BTRC: variants seen among roughly 807,000 people sequenced by gnomAD.
BTRC encodes the protein F-box/WD repeat-containing protein 1A.
A neutral mutation model predicts 85.5 loss-of-function variants in BTRC; 42 were observed. The ratio of observed to expected loss-of-function variants is 0.49; its 90% CI spans 0.38 to 0.64. The LOEUF (loss-of-function observed/expected upper bound fraction) is 0.64, where lower values mean the gene tolerates loss of function less well. Among genes scored for constraint, BTRC ranks in the 30% least tolerant of loss-of-function variants. The probability of loss-of-function intolerance (pLI) is 0.00; values close to 1 mark genes in which losing one functional copy is unlikely to be tolerated. For missense variants in BTRC, 594 were observed against 743.5 expected, an observed-to-expected ratio of 0.80 and a Z score of 2.34; for synonymous variants, 255 against 263.3, an observed-to-expected ratio of 0.97 and a Z score of 0.30.
intron 4 of BTRC, among the ~76,000 whole-genome samples, chr10:101,516,470 G>C (rs2062025249): frequency 6.6e-6 from 1 of 152,120 alleles, no homozygotes. Context: ...TAACCCATTT[G>C]TTAATGGATC....
At chr10:101,362,425 C>G (rs1049684031) in intron 1 of BTRC, among the ~76,000 whole-genome samples, 7 of 149,764 alleles carry the variant, frequency 4.7e-5, no homozygotes, top group African/African-American at 1.7e-4. Flanking sequence ...GATGGAGTTT[C>G]GCTCTTGTTG....
chr10:101,441,204 G>A (rs946417891), intron 2 of BTRC, among the ~76,000 whole-genome samples: 5 of 152,210 alleles, frequency 3.3e-5, no homozygotes, highest in Non-Finnish European at 5.9e-5. Flanking sequence ...TAAGAAATGA[G>A]ACTGAAATAT....
At chr10:101,527,795 T>TACACACACAC (rs5787437) in intron 6 of BTRC, among the ~76,000 whole-genome samples, 1 of 145,326 alleles carries the variant, frequency 6.9e-6, no homozygotes, top group African/African-American at 2.6e-5. Flanking sequence ...CTCTCTCACA[T>TACACACACAC]ACACACACAC....
Position 101,470,169 on chromosome 10 carries a change from T to C in BTRC, c.234+8111T>C, listed in dbSNP as rs182827145. Among the ~76,000 whole-genome samples, 444 of 152,310 alleles carry C rather than the reference T, an allele frequency of 2.9e-3. 2 individuals are homozygous for C. Among genetic ancestry groups the C allele is most frequent in the African/African-American group, 0.01 (430 of 41,566 alleles). Reference sequence around the variant, plus strand: ...AATTGCATTGTTTGCCTTTTTATTATTGAGTTGTAGACTCAACTGTATTGA... The same window carrying C: ...AATTGCATTGTTTGCCTTTTTATTACTGAGTTGTAGACTCAACTGTATTGA... On this transcript the variant is annotated intron_variant, in intron 3 of 14. Coordinates refer to ENST00000370187, the MANE Select transcript of BTRC (RefSeq NM_033637.4).
intron 4 of BTRC, among the ~76,000 whole-genome samples, chr10:101,488,782 T>C (rs1001482823): frequency 6.6e-6 from 1 of 152,144 alleles, no homozygotes; most frequent in Admixed American, 6.5e-5. Context: ...TTATTTGAAG[T>C]ACTAATATGC....
Position 101,522,371 on chromosome 10 carries a change from AAAAAAC to A in BTRC, c.556+507_556+512del, listed in dbSNP as rs1564823685. Among the ~76,000 whole-genome samples the A allele has an allele frequency of 4.5e-3, 313 of 69,994 alleles. 36 individuals carry two copies. Among genetic ancestry groups the A allele is most frequent in the Non-Finnish European group, 8.1e-3 (266 of 32,746 alleles). 45.9% of individuals were successfully genotyped at this position (69,994 alleles called of 152,430 possible). On this transcript the variant is annotated intron_variant, in intron 5 of 14. Coordinates refer to ENST00000370187, the MANE Select transcript of BTRC (RefSeq NM_033637.4). ...AAGCTTTAAAAAAAAAAAAAACAAA[AAAAAAC>A]AAAAAAAAAAAAACTCTAGAAATAA...
At chr10:101,430,140 T>G (rs1338356144) in intron 1 of BTRC, among the ~76,000 whole-genome samples, 1 of 152,250 alleles carries the variant, frequency 6.6e-6, no homozygotes, top group Non-Finnish European at 1.5e-5. Context: ...CTTCTTTTTT[T>G]ACCTCCTTTC....
At chr10:101,354,304 A>T in intron 1 of BTRC, 76 bp downstream of exon 1, 1 of 1,496,590 alleles carries the variant, frequency 6.7e-7, no homozygotes, top group South Asian at 1.2e-5. Flanking sequence ...CCGCCCGCCC[A>T]CTGCGGGACC....
intron 1 of BTRC, among the ~76,000 whole-genome samples, chr10:101,414,023 C>T (rs7898782): frequency 0.33 from 49,568 of 151,978 alleles, 10,592 homozygotes; most frequent in East Asian, 0.67. Context: ...TTTAAGTGTA[C>T]AATTCAGTAG....
intron 1 of BTRC, among the ~76,000 whole-genome samples, chr10:101,403,664 C>T (rs1051218608): frequency 1.3e-5 from 2 of 152,090 alleles, no homozygotes; most frequent in African/African-American, 4.8e-5. Flanking sequence ...GATCATGGCT[C>T]ACTGCAGCCT....
At chr10:101,437,019 A>G (rs187103372) in intron 2 of BTRC, among the ~76,000 whole-genome samples, 2 of 152,328 alleles carry the variant, frequency 1.3e-5, no homozygotes, top group East Asian at 3.9e-4. Context: ...ACAATACCAT[A>G]AGGAAAATTA....
chr10:101,535,442 T>TA lies in BTRC; in HGVS notation c.1437dup (p.Val480SerfsTer6), dbSNP rs1398079014. 6.2e-7 allele frequency: 1 copy of TA among 1,613,744 alleles called. No homozygotes were observed. Among genetic ancestry groups the TA allele is most frequent in the Non-Finnish European group, 8.5e-7 (1 of 1,179,922 alleles). On this transcript the variant is annotated frameshift_variant, in exon 11 of 15. Transcript: ENST00000370187. LOFTEE classifies it high-confidence loss of function. ...TGTTTGCAGTACAGGGACAGGCTGGTAGTGAGTGGCTCATCTGACAACACT... is the reference window on the plus strand; with the variant it reads ...TGTTTGCAGTACAGGGACAGGCTGGTAAGTGAGTGGCTCATCTGACAACACT...
chr10:101,502,833 A>T (rs1946429543), intron 4 of BTRC, among the ~76,000 whole-genome samples: 1 of 152,194 alleles, frequency 6.6e-6, no homozygotes, highest in African/African-American at 2.4e-5. Flanking sequence ...AAGTTTCTGG[A>T]CATAATATTA....
intron 1 of BTRC, among the ~76,000 whole-genome samples, chr10:101,421,842 G>A (rs1338909567): frequency 1.3e-5 from 2 of 151,910 alleles, no homozygotes; most frequent in Non-Finnish European, 2.9e-5. Flanking sequence ...TGGTGTATAT[G>A]TGCCACATTT....
At chr10:101,454,733 G>A (rs2134149443) in intron 2 of BTRC, among the ~76,000 whole-genome samples, 1 of 152,286 alleles carries the variant, frequency 6.6e-6, no homozygotes, top group Non-Finnish European at 1.5e-5. Context: ...AAGGAGCTAT[G>A]ATCATGTCAT....
chr10:101,484,602 G>T (rs1945933192), intron 4 of BTRC, among the ~76,000 whole-genome samples: 1 of 152,192 alleles, frequency 6.6e-6, no homozygotes, highest in Non-Finnish European at 1.5e-5. Flanking sequence ...CATGTTAACA[G>T]GCTTCTTTAA....
At chr10:101,498,543 G>A (rs375409945) in intron 4 of BTRC, among the ~76,000 whole-genome samples, 1 of 152,192 alleles carries the variant, frequency 6.6e-6, no homozygotes, top group East Asian at 1.9e-4. Context: ...GCTAATGGTG[G>A]CCACACAGGT....
chr10:101,513,826 T>C lies in BTRC; in HGVS notation c.325-7813T>C, dbSNP rs565264628. ...ATTGCTGGGTTGTTTGGTAAGTATA[T>C]GTTTAACTTTACAAAAAACTGTCAA... On this transcript the variant is annotated intron_variant, in intron 4 of 14. Transcript: ENST00000370187. Among the ~76,000 whole-genome samples the C allele has an allele frequency of 2.0e-5, 3 of 152,364 alleles. No individual in the cohort carries two copies. In the South Asian group the frequency reaches 6.2e-4, roughly 32 times the overall value.
chr10:101,434,156 G>C (rs1219397496), intron 2 of BTRC, among the ~76,000 whole-genome samples: 1 of 152,128 alleles, frequency 6.6e-6, no homozygotes, highest in Non-Finnish European at 1.5e-5. Context: ...TCAATCTATT[G>C]TGGTTTGTTA....
Sources: gnomAD v4.1 joint callset for allele counts (sites outside exome capture counted in the v4.1 genomes callset) on GRCh38, gnomAD v4.1.1 for gene constraint, MANE v1.5 for transcripts, NCBI Gene and HGNC (gene_info 2026-07-23, HGNC 2026-07-21) for gene names.